SLC35B3: variants seen among roughly 807,000 people sequenced by gnomAD.
The protein encoded by SLC35B3 is adenosine 3'-phospho 5'-phosphosulfate transporter 2.
Under a neutral mutation model 44.1 loss-of-function variants are expected in SLC35B3, and 35 were observed. The observed-to-expected ratio is 0.79, with a 90% CI of 0.61 to 1.05. SLC35B3 has a LOEUF of 1.05. Ranked by LOEUF, SLC35B3 falls within the 50% of genes least tolerant of loss-of-function variation. The pLI is 0.00. For synonymous variants in SLC35B3, 146 were observed against 167.3 expected (o/e 0.87, Z 0.98); for missense variants, 414 against 476.4 (o/e 0.87, Z 1.22).
Position 8,433,589 on chromosome 6 carries a change from T to C in SLC35B3, c.3+796A>G, listed in dbSNP as rs541750740. Among the ~76,000 whole-genome samples the C allele has an allele frequency of 1.4e-4, 22 of 152,312 alleles. No individual in the cohort carries two copies. In the South Asian group the frequency reaches 4.6e-3, roughly 32 times the overall value. On this transcript the variant is annotated intron_variant, in intron 2 of 10. Coordinates refer to ENST00000644923, the MANE Select transcript of SLC35B3 (RefSeq NM_001370476.2). This position sits in a 1 kb window ranked among gnomAD's most constrained non-coding sequence, Gnocchi z 4.1. Reference sequence around the variant, plus strand: ...TTATGTGCTGCAGATCTAGGCCATATGTGCAGAATGAAATCTCTCTAGCAC... The same window carrying C: ...TTATGTGCTGCAGATCTAGGCCATACGTGCAGAATGAAATCTCTCTAGCAC...
intron 9 of SLC35B3, among the ~76,000 whole-genome samples, chr6:8,415,376 G>T (rs946299912): frequency 1.3e-5 from 2 of 152,130 alleles, no homozygotes; most frequent in African/African-American, 2.4e-5. Context: ...CTTAATAGGG[G>T]TCATCTCTGG....
At chr6:8,418,060 T>G (rs1482284290) in intron 7 of SLC35B3, among the ~76,000 whole-genome samples, 1 of 152,106 alleles carries the variant, frequency 6.6e-6, no homozygotes, top group African/African-American at 2.4e-5. Flanking sequence ...TTATTCCATT[T>G]ACTTCTCACA....
intron 4 of SLC35B3, among the ~76,000 whole-genome samples, chr6:8,423,037 G>C (rs1406964200): frequency 6.6e-6 from 1 of 152,090 alleles, no homozygotes; most frequent in Non-Finnish European, 1.5e-5. Context: ...GCCTAGGCTG[G>C]AGTGCAGTGG....
intron 4 of SLC35B3, among the ~76,000 whole-genome samples, chr6:8,424,572 T>G (rs1763243741): frequency 6.6e-6 from 1 of 152,166 alleles, no homozygotes; most frequent in South Asian, 2.1e-4. Flanking sequence ...GGAGAAAATT[T>G]TAACTTTAAA....
At chr6:8,417,274 G>T in intron 8 of SLC35B3, 128 bp downstream of exon 7, 2 of 647,742 alleles carry the variant, frequency 3.1e-6, no homozygotes, top group Non-Finnish European at 5.4e-6. Flanking sequence ...ATTAATTTCC[G>T]ATTGGCATGT....
chr6:8,430,141 G>A lies in SLC35B3; in HGVS notation c.20C>T (p.Ala7Val), dbSNP rs142783777. Residue 7 changes from alanine (A) to valine (V), a missense_variant, in exon 3 of 11, where the codon GCA becomes GTA. By Grantham distance (64) the Ala-to-Val change is moderately conservative. Transcript: ENST00000644923. Reference sequence around the variant, plus strand: ...GACTGTTATGTTCTGTATGTCTTTTGCTTGCTGTGTCAAGTCCTAGAGAAG... The same window carrying A: ...GACTGTTATGTTCTGTATGTCTTTTACTTGCTGTGTCAAGTCCTAGAGAAG... The A allele has an allele frequency of 5.7e-4, 906 of 1,584,276 alleles. No homozygotes were observed. The highest frequency in any genetic ancestry group is 7.4e-4 in the Non-Finnish European group (861 of 1,166,974).
chr6:8,435,494 T>A lies in SLC35B3; in HGVS notation c.-195A>T, dbSNP rs972910511. ...TGCACTTTCCACCGCGGCGGTCGCC[T>A]CCCCGGAAAGCACTCTCAACTCCGG... is the stretch of plus-strand genomic sequence containing the variant. On this transcript the variant is annotated 5_prime_UTR_variant, in exon 1 of 11. Transcript: ENST00000644923. This position sits in a 1 kb window ranked among gnomAD's most constrained non-coding sequence, Gnocchi z 5.5. 1.3e-5 allele frequency: 12 copies of A among 898,330 alleles called. No homozygotes were observed. The African/African-American group carries it at 2.1e-4, about 16-fold the overall frequency. 55.6% of individuals were successfully genotyped at this position (898,330 alleles called of 1,614,324 possible).
chr6:8,419,632 C>T lies in SLC35B3; in HGVS notation c.728G>A (p.Gly243Glu), dbSNP rs1762715132. The change falls in exon 7 of 11, where the codon GGA becomes GAA. Residue 243 changes from glycine (G) to glutamate (E), a missense_variant. Transcript: ENST00000644923. The surrounding 1 kb of genome is among the most constrained non-coding windows in gnomAD (Gnocchi z 4.3). Reference sequence around the variant, plus strand: ...TTTCATAGCTTTCTCTTGAACATTTCCAATGACGGCATCTGCACATAGTGC... The same window carrying T: ...TTTCATAGCTTTCTCTTGAACATTTTCAATGACGGCATCTGCACATAGTGC... 1.9e-6 allele frequency: 3 copies of T among 1,567,810 alleles called. No homozygotes were observed. The highest frequency in any genetic ancestry group is 1.7e-4 in the Middle Eastern group (1 of 5,924).
intron 2 of SLC35B3, among the ~76,000 whole-genome samples, chr6:8,431,085 A>G (rs1033719265): frequency 6.2e-5 from 9 of 144,156 alleles, no homozygotes; most frequent in Non-Finnish European, 1.3e-4. Flanking sequence ...AAGGCTGGAG[A>G]AAACATGTCA....
rs1003121144 is a variant in SLC35B3 at position 8,414,942 on chromosome 6, A to G, written c.1021T>C (p.Ser341Pro). ...AATGGTTTAGCAAAGAATATAAACG[A>G]AAGTACAATGGTCATTGCTTTTCTT... The change falls in exon 10 of 11, where the codon TCG becomes CCG. Residue 341 changes from serine (S) to proline (P), a missense_variant. Coordinates refer to ENST00000644923, the MANE Select transcript of SLC35B3 (RefSeq NM_001370476.2). 1.6e-5 allele frequency: 25 copies of G among 1,606,024 alleles called. No individual in the cohort carries two copies. Among genetic ancestry groups the G allele is most frequent in the Non-Finnish European group, 2.0e-5 (24 of 1,174,904 alleles).
intron 4 of SLC35B3, 90 bp downstream of exon 3, chr6:8,427,847 T>C (rs1242186777): frequency 1.7e-6 from 2 of 1,145,038 alleles, no homozygotes; most frequent in East Asian, 2.5e-5. Flanking sequence ...ACATGTTTTG[T>C]TAATAGAAGT....
In SLC35B3 at chr6:8,434,540, C is replaced by CTT; in HGVS notation, c.-43-112_-43-111dup. 20 of 753,438 alleles carry CTT rather than the reference C, an allele frequency of 2.7e-5. No individual in the cohort carries two copies. Among genetic ancestry groups the CTT allele is most frequent in the Non-Finnish European group, 3.3e-5 (17 of 521,728 alleles). 46.7% of individuals were successfully genotyped at this position (753,438 alleles called of 1,614,324 possible). A position where few individuals can be genotyped will look rare whatever the true frequency, so the allele number is the denominator to read the frequency against. ...CCTGTGCTAATGTTTGAAGACTATT[C>CTT]TTTTTTTTTTCCAAGAGAAAAAGTT... is the stretch of plus-strand genomic sequence containing the variant. On this transcript the variant is annotated intron_variant, in intron 1 of 10. Coordinates refer to ENST00000644923, the MANE Select transcript of SLC35B3 (RefSeq NM_001370476.2). The surrounding 1 kb of genome is among the most constrained non-coding windows in gnomAD (Gnocchi z 6.3).
In SLC35B3 at chr6:8,419,667, A is replaced by G; in HGVS notation, c.693T>C (p.Leu231=). Residue 231 remains leucine (L), a synonymous_variant, in exon 7 of 11, where the codon CTT becomes CTC. Coordinates refer to ENST00000644923, the MANE Select transcript of SLC35B3 (RefSeq NM_001370476.2). This position sits in a 1 kb window ranked among gnomAD's most constrained non-coding sequence, Gnocchi z 4.3. ...CATCTGCACATAGTGCCAGGGAAAT[A>G]AGCACCACACCTTCAAGAAGGTATT... The G allele has an allele frequency of 6.6e-7, 1 of 1,525,446 alleles. No homozygotes were observed. The highest frequency in any genetic ancestry group is 8.9e-7 in the Non-Finnish European group (1 of 1,125,988). The allele number at this position is 1,525,446 out of a possible 1,614,324, so 94.5% of individuals were successfully genotyped here.
At chr6:8,425,491 T>G (rs192714724) in intron 4 of SLC35B3, among the ~76,000 whole-genome samples, 1 of 152,012 alleles carries the variant, frequency 6.6e-6, no homozygotes, top group Non-Finnish European at 1.5e-5. Context: ...TGGAGAATCA[T>G]GATAGAACAT....
rs1156673853 is a variant in SLC35B3, at chr6:8,435,325, C to A, written c.-44+18G>T. ...ATCTGGGTCCCAAACACAGGAAAGG[C>A]CCCGAAGGCACGCGTACCCCAAGGC... is the stretch of plus-strand genomic sequence containing the variant. On this transcript the variant is annotated intron_variant, in intron 1 of 10. Transcript: ENST00000644923. The surrounding 1 kb of genome is among the most constrained non-coding windows in gnomAD (Gnocchi z 5.5). 4 of 1,289,328 alleles carry A rather than the reference C, an allele frequency of 3.1e-6. No individual in the cohort carries two copies. In the Admixed American group the frequency reaches 9.2e-5, roughly 30 times the overall value. 79.9% of individuals were successfully genotyped at this position (1,289,328 alleles called of 1,614,324 possible). A position where few individuals can be genotyped will look rare whatever the true frequency, so the allele number is the denominator to read the frequency against.
intron 10 of SLC35B3, among the ~76,000 whole-genome samples, chr6:8,414,677 T>A (rs969228650): frequency 6.6e-6 from 1 of 151,920 alleles, no homozygotes; most frequent in East Asian, 1.9e-4. Flanking sequence ...TTCAAAATAA[T>A]AAATTACCAA....
intron 4 of SLC35B3, among the ~76,000 whole-genome samples, chr6:8,426,884 T>C (rs551185973): frequency 1.1e-3 from 160 of 152,260 alleles, no homozygotes; most frequent in Non-Finnish European, 1.7e-3. Flanking sequence ...GATAGTGATA[T>C]GAACAATAAG....
At chr6:8,428,579 C>A (rs1430878023) in intron 3 of SLC35B3, among the ~76,000 whole-genome samples, 1 of 152,048 alleles carries the variant, frequency 6.6e-6, no homozygotes, top group Non-Finnish European at 1.5e-5. Flanking sequence ...GTTATAAATA[C>A]AATTAGCAGG....
rs1366054462 is a variant in SLC35B3 at position 8,434,390 on chromosome 6, C to A, written c.-3G>T. On this transcript the variant is annotated 5_prime_UTR_variant, in exon 2 of 11. Transcript: ENST00000644923. The surrounding 1 kb of genome is among the most constrained non-coding windows in gnomAD (Gnocchi z 6.3). The stretch of plus-strand genomic sequence containing the variant: ...TACAAATAAAAGAATCTTACCATGC[C>A]ATTATGCCTTGATTAACTGCGCTCC... 6.2e-7 allele frequency: 1 copy of A among 1,612,760 alleles called. No individual in the cohort carries two copies. Among genetic ancestry groups the A allele is most frequent in the African/African-American group, 1.3e-5 (1 of 74,844 alleles).
Sources: gnomAD v4.1 joint callset for allele counts (sites outside exome capture counted in the v4.1 genomes callset) on GRCh38, gnomAD v4.1.1 for gene constraint, Gnocchi (gnomAD v3.1) non-coding constraint, MANE v1.5 for transcripts, NCBI Gene and HGNC (gene_info 2026-07-23, HGNC 2026-07-21) for gene names.